The following TMTC2 variants were observed in gnomAD, a reference collection of about 807,000 sequenced individuals.
The protein encoded by TMTC2 is protein O-mannosyl-transferase TMTC2.
A neutral mutation model predicts 82.4 loss-of-function variants in TMTC2; 43 were observed. The observed-to-expected ratio is 0.52, with a 90% CI of 0.41 to 0.67. The LOEUF is 0.67. Ranked by LOEUF, TMTC2 falls within the 30% of genes least tolerant of loss-of-function variation. The pLI, the probability that TMTC2 is intolerant of heterozygous loss-of-function variation, is 0.00. For missense variants in TMTC2, 919 were observed against 1,012.4 expected (o/e 0.91, Z 1.25); for synonymous variants, 408 against 381.9 (o/e 1.07, Z -0.80).
intron 7 of TMTC2, among the ~76,000 whole-genome samples, chr12:82,971,495 G>A (rs1878444483): frequency 6.6e-6 from 1 of 151,580 alleles, no homozygotes; most frequent in Non-Finnish European, 1.5e-5. Flanking sequence ...CTCTACTTAA[G>A]CATTGCTTTT....
At chr12:82,856,820 AAAAC>A (rs1871277988) in intron 1 of TMTC2, among the ~76,000 whole-genome samples, 186 bp from the exon 2 acceptor site, 1 of 152,180 alleles carries the variant, frequency 6.6e-6, no homozygotes, top group Non-Finnish European at 1.5e-5. Flanking sequence ...AAGGAAGAGA[AAAAC>A]AACCCTCATT....
At chr12:82,714,466 CT>C (rs1029503092) in intron 1 of TMTC2, among the ~76,000 whole-genome samples, 3 of 151,914 alleles carry the variant, frequency 2.0e-5, no homozygotes, top group African/African-American at 7.2e-5. Context: ...TGTGTCTGTC[CT>C]TTTTTTTATT....
chr12:83,061,693 T>G, intron 10 of TMTC2, 75 bp from the exon 11 acceptor site: 4 of 1,314,826 alleles, frequency 3.0e-6, no homozygotes, highest in Non-Finnish European at 4.1e-6. Context: ...AAATTAACAT[T>G]ATTTTACTGC....
intron 1 of TMTC2, among the ~76,000 whole-genome samples, chr12:82,794,235 TC>T (rs1471892976): frequency 2.0e-5 from 3 of 152,232 alleles, no homozygotes; most frequent in Non-Finnish European, 4.4e-5. Context: ...CCCTCCTCTC[TC>T]ACTCCTCCCC....
intron 1 of TMTC2, among the ~76,000 whole-genome samples, chr12:82,819,491 C>G (rs1287697310): frequency 1.4e-5 from 2 of 145,002 alleles, no homozygotes; most frequent in Non-Finnish European, 3.0e-5. Flanking sequence ...TTTTCTTTCT[C>G]TCTTTCTTTT....
intron 3 of TMTC2, among the ~76,000 whole-genome samples, chr12:82,908,108 C>G (rs1299270057): frequency 2.0e-5 from 3 of 151,986 alleles, no homozygotes; most frequent in African/African-American, 4.8e-5. Flanking sequence ...CAAAACAAAA[C>G]AAAACAGAAC....
chr12:83,051,025 T>A lies in TMTC2; in HGVS notation c.2267+7T>A, dbSNP rs567411313. ...ATGCTGCCCACATGCTCAGGTTAGTTTTTTTGCTGCTGTGCCTCAAAGCCT... is the reference window on the plus strand; with the variant it reads ...ATGCTGCCCACATGCTCAGGTTAGTATTTTTGCTGCTGTGCCTCAAAGCCT... On this transcript the variant is annotated splice_region_variant and intron_variant, in intron 10 of 11. Coordinates refer to ENST00000321196, the MANE Select transcript of TMTC2 (RefSeq NM_152588.3). The A allele has an allele frequency of 1.9e-6, 3 of 1,600,218 alleles. 1 individual carries two copies. The highest frequency in any genetic ancestry group is 3.3e-4 in the Middle Eastern group (2 of 5,990).
chr12:83,024,050 C>CT (rs1283327177), intron 8 of TMTC2, among the ~76,000 whole-genome samples: 1 of 152,122 alleles, frequency 6.6e-6, no homozygotes, highest in Non-Finnish European at 1.5e-5. Context: ...GGTGACTGTA[C>CT]TTAACATCAA....
chr12:82,852,754 G>T (rs1206869075), intron 1 of TMTC2, among the ~76,000 whole-genome samples: 1 of 152,064 alleles, frequency 6.6e-6, no homozygotes, highest in Non-Finnish European at 1.5e-5. Flanking sequence ...TTCTTATTTT[G>T]CTGGAGGATT....
intron 1 of TMTC2, among the ~76,000 whole-genome samples, chr12:82,698,189 A>G (rs927246428): frequency 6.6e-6 from 1 of 152,218 alleles, no homozygotes; most frequent in African/African-American, 2.4e-5. Context: ...AACTTGTTGT[A>G]AAATGAGTTA....
chr12:83,122,647 C>T (rs191880096), intron 11 of TMTC2, among the ~76,000 whole-genome samples: 37 of 152,358 alleles, frequency 2.4e-4, no homozygotes, highest in Admixed American at 2.0e-3. Context: ...CCCACTTCCA[C>T]AGTTTGGGCA....
chr12:82,862,026 G>A (rs1871579808), intron 2 of TMTC2, among the ~76,000 whole-genome samples: 1 of 152,130 alleles, frequency 6.6e-6, no homozygotes, highest in Non-Finnish European at 1.5e-5. Flanking sequence ...AGTTAGTGGG[G>A]TCTGGAAGGT....
At chr12:82,695,051 G>A (rs1872725875) in intron 1 of TMTC2, among the ~76,000 whole-genome samples, 2 of 152,174 alleles carry the variant, frequency 1.3e-5, no homozygotes, top group Admixed American at 1.3e-4. Flanking sequence ...TGTGTTATTT[G>A]CTGAAGAGTG....
chr12:82,854,430 A>G lies in TMTC2; in HGVS notation c.84-2580A>G, dbSNP rs370191398. Among the ~76,000 whole-genome samples, 48 of 151,956 alleles carry G rather than the reference A, an allele frequency of 3.2e-4. 1 individual carries two copies. In the East Asian group the frequency reaches 7.4e-3, roughly 23 times the overall value. On this transcript the variant is annotated intron_variant, in intron 1 of 11. Coordinates refer to ENST00000321196, the MANE Select transcript of TMTC2 (RefSeq NM_152588.3). ...CAAGATGGCTGCTGGAACTCCAACC[A>G]TTACATATGTGCTCCACTCAGCAGG...
intron 3 of TMTC2, among the ~76,000 whole-genome samples, chr12:82,926,467 G>A (rs1875721969): frequency 6.6e-6 from 1 of 152,248 alleles, no homozygotes; most frequent in Non-Finnish European, 1.5e-5. Context: ...AAAGAAGCCA[G>A]CTCTGTAACA....
chr12:82,964,317 G>C (rs1393704450), intron 4 of TMTC2, among the ~76,000 whole-genome samples: 1 of 152,010 alleles, frequency 6.6e-6, no homozygotes, highest in African/African-American at 2.4e-5. Flanking sequence ...GCATGGCTGA[G>C]ATATTACATG....
intron 1 of TMTC2, among the ~76,000 whole-genome samples, chr12:82,727,617 A>T (rs1265502137): frequency 1.3e-5 from 2 of 151,986 alleles, no homozygotes; most frequent in East Asian, 1.9e-4. Context: ...GCTACTCGGG[A>T]GGCTGAGCCA....
rs533585425 is a variant in TMTC2 at position 82,711,987 on chromosome 12, C to G, written c.83+24318C>G. ...CACCTTTGCCCTCATACAGCACGCT[C>G]TATCTTTATCTTCTTCCCTTTTCCC... On this transcript the variant is annotated intron_variant, in intron 1 of 11. Coordinates refer to ENST00000321196, the MANE Select transcript of TMTC2 (RefSeq NM_152588.3). Among the ~76,000 whole-genome samples the G allele has an allele frequency of 4.6e-5, 7 of 152,270 alleles. No homozygotes were observed. In the East Asian group the frequency reaches 1.4e-3, roughly 29 times the overall value.
chr12:82,828,526 T>A (rs79746449), intron 1 of TMTC2, among the ~76,000 whole-genome samples: 1,641 of 152,306 alleles, frequency 0.011, 31 homozygotes, highest in African/African-American at 0.038. Context: ...ATGCTCTTAG[T>A]TCTGTATGGC....
Sources: allele counts gnomAD v4.1 joint callset (sites outside exome capture counted in the v4.1 genomes callset), GRCh38; gene constraint gnomAD v4.1.1; transcripts MANE v1.5; gene names NCBI Gene and HGNC (gene_info 2026-07-23, HGNC 2026-07-21).